MGST2: variants seen among roughly 807,000 people sequenced by gnomAD.
MGST2 encodes the protein glutathione peroxidase MGST2.
Under a neutral mutation model 16.6 loss-of-function variants are expected in MGST2, and 9 were observed. The observed-to-expected ratio is 0.54, with a 90% confidence interval of 0.33 to 0.95. MGST2 has a LOEUF of 0.95. Ranked by LOEUF, MGST2 falls within the 40% of genes least tolerant of loss-of-function variation. The pLI, the probability that MGST2 is intolerant of heterozygous loss-of-function variation, is 0.03. For synonymous variants in MGST2, 79 were observed against 68.0 expected, an observed-to-expected ratio of 1.16 and a Z score of -0.79; for missense variants, 159 against 175.1, an observed-to-expected ratio of 0.91 and a Z score of 0.52.
rs1728883607 is a variant in MGST2, at chr4:139,735,124, A to G, written c.*49-5088A>G. Among the ~76,000 whole-genome samples, 1 of 152,210 alleles carries G rather than the reference A, an allele frequency of 6.6e-6. No individual in the cohort carries two copies. The highest frequency in any genetic ancestry group is 2.1e-4 in the South Asian group (1 of 4,832). On this transcript the variant is annotated intron_variant, in intron 5 of 5. Coordinates refer to the MGST2 transcript ENST00000616265. The surrounding 1 kb of genome is among the most constrained non-coding windows in gnomAD (Gnocchi z 5.8). ...GAGCGCTGCGAACGTGGAGCCAGGC[A>G]GTCAAGTGTTACTGCGTACAGCAGG...
At chr4:139,671,533 T>G (rs1395488580) in intron 1 of MGST2, among the ~76,000 whole-genome samples, 1 of 152,150 alleles carries the variant, frequency 6.6e-6, no homozygotes, top group Non-Finnish European at 1.5e-5. Flanking sequence ...TGGTGTGATC[T>G]CAGCTCAACT....
downstream of MGST2, among the ~76,000 whole-genome samples, chr4:139,706,715 G>A (rs990864543): frequency 3.3e-5 from 5 of 152,044 alleles, no homozygotes; most frequent in African/African-American, 2.4e-5. Flanking sequence ...GGTTAAACAC[G>A]TGGAAATAAG....
intron 1 of MGST2, among the ~76,000 whole-genome samples, chr4:139,676,590 G>A (rs922951904): frequency 1.3e-5 from 2 of 152,028 alleles, no homozygotes; most frequent in African/African-American, 4.8e-5. Context: ...CATTAAGGAG[G>A]GTAATCTGCT....
intron 5 of MGST2, chr4:139,720,449 A>C: frequency 1.2e-6 from 1 of 805,906 alleles, no homozygotes; most frequent in Non-Finnish European, 1.8e-6. Flanking sequence ...TCTGATAATA[A>C]ATCTGTAACA....
chr4:139,725,686 G>T, intron 5 of MGST2: 3 of 1,481,404 alleles, frequency 2.0e-6, no homozygotes, highest in Non-Finnish European at 2.8e-6. Context: ...AATGCCTCTG[G>T]CTACACATTC....
intron 2 of MGST2, among the ~76,000 whole-genome samples, chr4:139,681,337 A>G (rs1346367748): frequency 6.6e-6 from 1 of 152,042 alleles, no homozygotes; most frequent in Non-Finnish European, 1.5e-5. Context: ...TTTTAATATT[A>G]TTTCTTCCCC....
At chr4:139,702,176 A>G (rs1226706861) in intron 3 of MGST2, among the ~76,000 whole-genome samples, 2 of 152,190 alleles carry the variant, frequency 1.3e-5, no homozygotes, top group Non-Finnish European at 2.9e-5. Context: ...GAACATCATC[A>G]TACTGTATTT....
At chr4:139,692,194 A>C (rs1726650523) in intron 2 of MGST2, among the ~76,000 whole-genome samples, 1 of 152,192 alleles carries the variant, frequency 6.6e-6, no homozygotes, top group Non-Finnish European at 1.5e-5. Context: ...CTTGAGAAAG[A>C]AAGGTACAGA....
At chr4:139,689,970 T>C (rs1483464193) in intron 2 of MGST2, among the ~76,000 whole-genome samples, 1 of 152,202 alleles carries the variant, frequency 6.6e-6, no homozygotes, top group East Asian at 1.9e-4. Context: ...TTTATACTTA[T>C]TCTTAAAATC....
At chr4:139,719,355 G>A in intron 5 of MGST2, 1 of 1,604,652 alleles carries the variant, frequency 6.2e-7, no homozygotes, top group African/African-American at 1.3e-5. Flanking sequence ...TCAAGCTCCT[G>A]CATCCACTCG....
intron 5 of MGST2, among the ~76,000 whole-genome samples, chr4:139,737,156 G>C (rs1038660819): frequency 6.6e-6 from 1 of 152,068 alleles, no homozygotes. Flanking sequence ...CAAGTCCCTC[G>C]TGTAATAAGG....
intron 1 of MGST2, among the ~76,000 whole-genome samples, chr4:139,671,539 C>T (rs1730692802): frequency 6.6e-6 from 1 of 151,992 alleles, no homozygotes; most frequent in South Asian, 2.1e-4. Flanking sequence ...GATCTCAGCT[C>T]AACTGCAGCC....
At chr4:139,682,604 C>T (rs889126683) in intron 2 of MGST2, among the ~76,000 whole-genome samples, 1 of 152,062 alleles carries the variant, frequency 6.6e-6, no homozygotes, top group Non-Finnish European at 1.5e-5. Context: ...AAAGTCATGA[C>T]AGGGTTTTAA....
chr4:139,691,581 C>T (rs1560747611), intron 2 of MGST2, among the ~76,000 whole-genome samples: 1 of 152,086 alleles, frequency 6.6e-6, no homozygotes, highest in Admixed American at 6.5e-5. Flanking sequence ...CCAGGTATTT[C>T]AAGGCCAAAC....
downstream of MGST2, chr4:139,704,330 C>T (rs371641420): frequency 1.4e-6 from 1 of 709,582 alleles, no homozygotes; most frequent in East Asian, 2.9e-5. Flanking sequence ...TAGGTACATC[C>T]ATATCATCAG....
intron 3 of MGST2, among the ~76,000 whole-genome samples, chr4:139,699,855 A>G (rs570531386): frequency 6.6e-6 from 1 of 152,268 alleles, no homozygotes; most frequent in African/African-American, 2.4e-5. Context: ...CCTGGGCAAC[A>G]AAGGAGACCC....
chr4:139,719,587 C>A, intron 5 of MGST2: 2 of 1,613,324 alleles, frequency 1.2e-6, no homozygotes, highest in Non-Finnish European at 1.7e-6. Flanking sequence ...CTCCCTGGCT[C>A]AGGCCAGACA....
At chr4:139,696,034 A>AAAGC (rs1429781110) in intron 3 of MGST2, among the ~76,000 whole-genome samples, 2 of 152,366 alleles carry the variant, frequency 1.3e-5, no homozygotes, top group Admixed American at 6.5e-5. Context: ...TTCTTGCAAT[A>AAAGC]AAGCAAGCTA....
chr4:139,684,986 G>C (rs913789705), intron 2 of MGST2: 1 of 152,266 alleles, frequency 6.6e-6, no homozygotes, highest in Non-Finnish European at 1.5e-5. Flanking sequence ...CCACTCTTAA[G>C]TTCCAGCCTT....
Sources: allele counts gnomAD v4.1 joint callset (sites outside exome capture counted in the v4.1 genomes callset), GRCh38; gene constraint gnomAD v4.1.1; non-coding constraint Gnocchi (gnomAD v3.1); transcripts MANE v1.5; gene names NCBI Gene and HGNC (gene_info 2026-07-23, HGNC 2026-07-21).